XKR6: variants seen among roughly 807,000 people sequenced by gnomAD.
XKR6 encodes XK-related protein 6.
In XKR6, 22 loss-of-function variants were observed where a neutral mutation model predicts 56.7. That is an observed-to-expected ratio of 0.39 (90% confidence interval 0.28 to 0.55). XKR6 has a LOEUF of 0.55. Ranked by LOEUF, XKR6 falls within the 20% of genes least tolerant of loss-of-function variation. The pLI is 0.66. For synonymous variants in XKR6, 524 were observed against 387.8 expected, an observed-to-expected ratio of 1.35 and a Z score of -4.13; for missense variants, 852 against 889.0, an observed-to-expected ratio of 0.96 and a Z score of 0.53.
chr8:11,152,487 G>A (rs2116980101), intron 1 of XKR6, among the ~76,000 whole-genome samples: 1 of 152,258 alleles, frequency 6.6e-6, no homozygotes, highest in Middle Eastern at 3.4e-3. Context: ...GAAAGAAGAA[G>A]GGAGAAAGGA....
At position 10,924,874 on chromosome 8, in the gene XKR6, C is replaced by CAGGG. The variant is rs555303388; in HGVS notation, c.765-48_765-45dup. 3.1e-4 allele frequency: 494 copies of CAGGG among 1,572,640 alleles called. 5 individuals carry two copies. The highest frequency in any genetic ancestry group is 3.0e-3 in the South Asian group (262 of 86,214). On this transcript the variant is annotated intron_variant, in intron 1 of 2. Coordinates refer to ENST00000416569, the MANE Select transcript of XKR6 (RefSeq NM_173683.4). ...AGAACACAGAGAGCATGGGTGGGTG[C>CAGGG]AGGGGCTCCAGAGGACCCTTGCCAT...
chr8:11,162,083 A>G (rs1801841355), intron 1 of XKR6, among the ~76,000 whole-genome samples: 1 of 152,226 alleles, frequency 6.6e-6, no homozygotes, highest in South Asian at 2.1e-4. Flanking sequence ...CCAGAGAAAT[A>G]AAGTGATATG....
At chr8:11,094,297 T>C (rs1407250680) in intron 1 of XKR6, among the ~76,000 whole-genome samples, 2 of 152,142 alleles carry the variant, frequency 1.3e-5, no homozygotes, top group Admixed American at 1.3e-4. Context: ...CAAGCGATTC[T>C]CCTGCTGCAG....
intron 1 of XKR6, among the ~76,000 whole-genome samples, chr8:11,066,284 T>C (rs188611789): frequency 6.6e-6 from 1 of 152,386 alleles, no homozygotes; most frequent in African/African-American, 2.4e-5. Flanking sequence ...AACAGACTAT[T>C]TTTAGCCTTC....
chr8:11,068,622 C>T (rs370443108), intron 1 of XKR6, among the ~76,000 whole-genome samples: 12 of 152,318 alleles, frequency 7.9e-5, no homozygotes, highest in African/African-American at 2.9e-4. Flanking sequence ...CTGGTGCCCA[C>T]ACAGCTGTGT....
intron 1 of XKR6, among the ~76,000 whole-genome samples, chr8:11,182,895 G>A (rs1803070820): frequency 6.6e-6 from 1 of 152,124 alleles, no homozygotes; most frequent in African/African-American, 2.4e-5. Context: ...CCAGCCCCTG[G>A]CAGCCCCCTT....
chr8:10,937,238 GT>G (rs1801231362), intron 1 of XKR6, among the ~76,000 whole-genome samples: 1 of 120,102 alleles, frequency 8.3e-6, no homozygotes. Context: ...TCGAGCCTTG[GT>G]TTTCAGCTCC....
intron 1 of XKR6, among the ~76,000 whole-genome samples, chr8:10,968,849 G>T (rs1045286410): frequency 1.3e-5 from 2 of 152,246 alleles, no homozygotes; most frequent in Admixed American, 1.3e-4. Context: ...TGGGACTGGG[G>T]AGCCACCTGC....
At chr8:11,008,326 T>A (rs1798420294) in intron 1 of XKR6, among the ~76,000 whole-genome samples, 1 of 151,744 alleles carries the variant, frequency 6.6e-6, no homozygotes, top group South Asian at 2.1e-4. Flanking sequence ...AGGCAGTGCA[T>A]GAAAAGTCCA....
chr8:10,968,762 C>T (rs1027416219), intron 1 of XKR6, among the ~76,000 whole-genome samples: 5 of 152,158 alleles, frequency 3.3e-5, no homozygotes, highest in African/African-American at 4.8e-5. Flanking sequence ...TGAGGAAGAA[C>T]AGAGAAGAAA....
At chr8:10,991,645 C>T (rs981123916) in intron 1 of XKR6, among the ~76,000 whole-genome samples, 11 of 152,254 alleles carry the variant, frequency 7.2e-5, no homozygotes, top group Middle Eastern at 3.4e-3. Flanking sequence ...GCAGGGTTTT[C>T]TGTGGACTTG....
intron 1 of XKR6, among the ~76,000 whole-genome samples, chr8:11,064,175 C>G (rs1379452243): frequency 1.3e-5 from 2 of 152,190 alleles, no homozygotes; most frequent in Non-Finnish European, 2.9e-5. Flanking sequence ...ATGGTTTCAT[C>G]TTTCATGCAT....
At chr8:11,197,029 A>T (rs1803928230) in intron 1 of XKR6, among the ~76,000 whole-genome samples, 1 of 152,228 alleles carries the variant, frequency 6.6e-6, no homozygotes, top group Non-Finnish European at 1.5e-5. Context: ...AAACAACGCT[A>T]AAACAGAGCT....
chr8:11,089,752 C>A (rs1317834863), intron 1 of XKR6, among the ~76,000 whole-genome samples: 1 of 152,224 alleles, frequency 6.6e-6, no homozygotes, highest in Non-Finnish European at 1.5e-5. Context: ...CATAGTTCTA[C>A]TTTCAAGAAA....
intron 1 of XKR6, among the ~76,000 whole-genome samples, chr8:11,044,696 G>A (rs1586470890): frequency 6.6e-6 from 1 of 150,574 alleles, no homozygotes; most frequent in East Asian, 1.9e-4. Context: ...TCAGCTCACT[G>A]CAACCTCTGC....
chr8:10,938,946 G>T (rs4077538), intron 1 of XKR6, among the ~76,000 whole-genome samples: 6,899 of 152,202 alleles, frequency 0.045, 234 homozygotes, highest in East Asian at 0.1. Flanking sequence ...TGAGTACAGG[G>T]TCCCATTAGA....
intron 1 of XKR6, among the ~76,000 whole-genome samples, chr8:11,133,633 C>G (rs1800229027): frequency 6.6e-6 from 1 of 152,104 alleles, no homozygotes; most frequent in Non-Finnish European, 1.5e-5. Context: ...AATAGACTAA[C>G]CTTTGCTGGG....
chr8:10,906,517 T>G (rs1031473463), intron 2 of XKR6, among the ~76,000 whole-genome samples: 2 of 152,248 alleles, frequency 1.3e-5, no homozygotes, highest in Non-Finnish European at 2.9e-5. Flanking sequence ...GCTGAAAATA[T>G]GTACACAGGA....
chr8:11,192,987 C>T (rs1182630285), intron 1 of XKR6, among the ~76,000 whole-genome samples: 1 of 152,174 alleles, frequency 6.6e-6, no homozygotes, highest in African/African-American at 2.4e-5. Context: ...CCTCATTTGT[C>T]CTGTCTATTT....
Sources: allele counts gnomAD v4.1 joint callset (sites outside exome capture counted in the v4.1 genomes callset), GRCh38; gene constraint gnomAD v4.1.1; transcripts MANE v1.5; gene names NCBI Gene and HGNC (gene_info 2026-07-23, HGNC 2026-07-21).